The following CPA6 variants were observed in gnomAD, a reference collection of about 807,000 sequenced individuals.
CPA6 encodes the protein carboxypeptidase B.
In CPA6, 58 loss-of-function variants were observed where a neutral mutation model predicts 63.3. The observed-to-expected ratio is 0.92, with a 90% CI of 0.74 to 1.14. CPA6 has a LOEUF of 1.14. Among genes scored for constraint, CPA6 ranks in the 50% most tolerant of loss-of-function variants. CPA6 has a pLI of 0.00. For missense variants in CPA6, 565 were observed against 526.6 expected, an observed-to-expected ratio of 1.07 and a Z score of -0.71; for synonymous variants, 185 against 179.0, an observed-to-expected ratio of 1.03 and a Z score of -0.27.
chr8:67,627,737 C>T (rs77238385), intron 1 of CPA6, among the ~76,000 whole-genome samples: 7,107 of 152,242 alleles, frequency 0.047, 340 homozygotes, highest in African/African-American at 0.12. Flanking sequence ...CCATGATATG[C>T]TTACATTTTG....
intron 2 of CPA6, among the ~76,000 whole-genome samples, chr8:67,579,885 A>G (rs1031044857): frequency 6.6e-6 from 1 of 152,248 alleles, no homozygotes; most frequent in Non-Finnish European, 1.5e-5. Context: ...CAGAGACCAT[A>G]TGGCCCTCAA....
At chr8:67,559,140 A>G (rs754107707) in intron 2 of CPA6, among the ~76,000 whole-genome samples, 14 of 152,174 alleles carry the variant, frequency 9.2e-5, no homozygotes, top group Admixed American at 1.3e-4. Flanking sequence ...GTTGTATTTC[A>G]TAAGAGTCCA....
chr8:67,551,004 T>C (rs556468917), intron 2 of CPA6, among the ~76,000 whole-genome samples: 1 of 152,328 alleles, frequency 6.6e-6, no homozygotes, highest in East Asian at 1.9e-4. Flanking sequence ...ACTCTGTTGA[T>C]AGTTTCTTTT....
At chr8:67,624,275 G>A in intron 1 of CPA6, 24 bp from the exon 2 acceptor site, 1 of 1,278,830 alleles carries the variant, frequency 7.8e-7, no homozygotes, top group Middle Eastern at 1.9e-4. Flanking sequence ...AAAGAAAGAT[G>A]ATAATTACTT....
At chr8:67,473,101 G>C (rs1563966169) in intron 8 of CPA6, among the ~76,000 whole-genome samples, 1 of 152,186 alleles carries the variant, frequency 6.6e-6, no homozygotes, top group Admixed American at 6.5e-5. Flanking sequence ...AGATAGAATA[G>C]CTCTTTTTAG....
At chr8:67,587,736 GTGT>G (rs1813985134) in intron 2 of CPA6, among the ~76,000 whole-genome samples, 1 of 152,148 alleles carries the variant, frequency 6.6e-6, no homozygotes, top group African/African-American at 2.4e-5. Flanking sequence ...GGGTCATTAT[GTGT>G]TGTTGTGTAG....
At chr8:67,704,418 T>A (rs1817089987) in intron 1 of CPA6, among the ~76,000 whole-genome samples, 1 of 152,214 alleles carries the variant, frequency 6.6e-6, no homozygotes, top group South Asian at 2.1e-4. Flanking sequence ...AAAGAGAGAA[T>A]CATTTTGTGC....
intron 10 of CPA6, among the ~76,000 whole-genome samples, chr8:67,425,219 A>T (rs1167928833): frequency 2.6e-5 from 4 of 152,112 alleles, no homozygotes; most frequent in Admixed American, 2.6e-4. Context: ...TCATGGAAAA[A>T]TCTTTGTATA....
intron 8 of CPA6, among the ~76,000 whole-genome samples, chr8:67,450,981 C>T (rs764231806): frequency 2.8e-4 from 42 of 152,196 alleles, no homozygotes; most frequent in Non-Finnish European, 5.1e-4. Flanking sequence ...TTTATATAGA[C>T]TCTCCTCTCC....
intron 1 of CPA6, among the ~76,000 whole-genome samples, chr8:67,643,197 A>G (rs1235405197): frequency 2.0e-5 from 3 of 152,324 alleles, no homozygotes; most frequent in Admixed American, 6.5e-5. Flanking sequence ...TTAAAACCAC[A>G]GGAGACATCA....
intron 2 of CPA6, among the ~76,000 whole-genome samples, chr8:67,593,165 G>T (rs1814184258): frequency 6.6e-6 from 1 of 150,392 alleles, no homozygotes; most frequent in African/African-American, 2.5e-5. Context: ...TCAGGAGCAG[G>T]TTGTTCAGTT....
chr8:67,479,972 T>G (rs1298687694), intron 8 of CPA6, among the ~76,000 whole-genome samples: 1 of 144,102 alleles, frequency 6.9e-6, no homozygotes, highest in African/African-American at 2.5e-5. Flanking sequence ...CCGGCTCCAC[T>G]TTTTTTTTTT....
At chr8:67,699,029 T>A (rs149552565) in intron 1 of CPA6, among the ~76,000 whole-genome samples, 1,731 of 152,338 alleles carry the variant, frequency 0.011, 23 homozygotes, top group Non-Finnish European at 0.018. Flanking sequence ...CCTGGAAGAA[T>A]GGCATGGTCT....
chr8:67,698,334 T>C (rs1003671741), intron 1 of CPA6, among the ~76,000 whole-genome samples: 1 of 152,202 alleles, frequency 6.6e-6, no homozygotes, highest in Non-Finnish European at 1.5e-5. Flanking sequence ...ATTGGTGTTT[T>C]TTCTTTTAAA....
intron 6 of CPA6, among the ~76,000 whole-genome samples, chr8:67,487,767 A>G (rs1359547703): frequency 6.6e-6 from 1 of 152,166 alleles, no homozygotes; most frequent in Admixed American, 6.5e-5. Flanking sequence ...GTGTGAGATG[A>G]TATCTCACTG....
chr8:67,474,506 C>A (rs1013529258), intron 8 of CPA6, among the ~76,000 whole-genome samples: 2 of 152,108 alleles, frequency 1.3e-5, no homozygotes, highest in African/African-American at 4.8e-5. Flanking sequence ...CAGACGTGAG[C>A]CACAGCCGCC....
At chr8:67,627,685 C>T (rs1815224244) in intron 1 of CPA6, among the ~76,000 whole-genome samples, 1 of 152,166 alleles carries the variant, frequency 6.6e-6, no homozygotes, top group Non-Finnish European at 1.5e-5. Flanking sequence ...GGAAGCAGGA[C>T]ATCCCAGATT....
intron 2 of CPA6, among the ~76,000 whole-genome samples, chr8:67,520,563 G>A (rs149576476): frequency 0.013 from 1,921 of 152,316 alleles, 48 homozygotes; most frequent in African/African-American, 0.043. Flanking sequence ...TCAGGGTGGT[G>A]GCAGGCAGGT....
intron 1 of CPA6, among the ~76,000 whole-genome samples, chr8:67,661,541 C>G (rs1314006358): frequency 3.3e-5 from 5 of 152,172 alleles, no homozygotes; most frequent in Non-Finnish European, 7.3e-5. Flanking sequence ...ACAGCAGGTT[C>G]CCTCAAAGCT....
Sources: allele counts gnomAD v4.1 joint callset (sites outside exome capture counted in the v4.1 genomes callset), GRCh38; gene constraint gnomAD v4.1.1; transcripts MANE v1.5; gene names NCBI Gene and HGNC (gene_info 2026-07-23, HGNC 2026-07-21).